Variants in USP39 observed in about 807,000 individuals in gnomAD.
USP39 encodes ubiquitin specific peptidase 39, also known as ubiquitin carboxyl-terminal hydrolase 39.
Under a neutral mutation model 66.4 loss-of-function variants are expected in USP39, and 38 were observed. That is an observed-to-expected ratio of 0.57 (90% CI 0.44 to 0.75). The LOEUF is 0.75. USP39 is among the 30% of genes least tolerant of loss of function. The pLI, the probability that USP39 is intolerant of heterozygous loss-of-function variation, is 0.00. For missense variants in USP39, 608 were observed against 714.4 expected (o/e 0.85, Z 1.70); for synonymous variants, 303 against 274.6 (o/e 1.10, Z -1.02).
At chr2:85,633,998 C>T (rs963147472) in intron 6 of USP39, among the ~76,000 whole-genome samples, 29 of 150,430 alleles carry the variant, frequency 1.9e-4, no homozygotes, top group Admixed American at 9.2e-4. Flanking sequence ...CCACTACGCC[C>T]GGCTAATTTT....
chr2:85,613,812 C>T (rs1673733871), upstream of USP39, among the ~76,000 whole-genome samples: 1 of 152,052 alleles, frequency 6.6e-6, no homozygotes, highest in South Asian at 2.1e-4. Flanking sequence ...CAGGATCTCA[C>T]TGTCGCATAG....
intron 6 of USP39, among the ~76,000 whole-genome samples, chr2:85,633,056 TGGC>T (rs1473708691): frequency 7.8e-6 from 1 of 128,402 alleles, no homozygotes; most frequent in Non-Finnish European, 1.7e-5. Flanking sequence ...AGGGACCAGA[TGGC>T]CTGCTTTATA....
At chr2:85,625,799 G>T in intron 5 of USP39, 108 bp downstream of exon 5, 2 of 1,400,332 alleles carry the variant, frequency 1.4e-6, no homozygotes, top group Non-Finnish European at 1.9e-6. Context: ...CAGGCGGATT[G>T]CCTGAGGTCA....
chr2:85,607,863 A>G (rs954265680), upstream of USP39: 1 of 152,176 alleles, frequency 6.6e-6, no homozygotes, highest in Non-Finnish European at 1.5e-5. Context: ...CCTGCATTAG[A>G]AAAAATGTTC....
At chr2:85,645,213 T>C (rs1676549626) in intron 11 of USP39, 130 bp downstream of exon 11, 4 of 1,287,620 alleles carry the variant, frequency 3.1e-6, no homozygotes, top group Non-Finnish European at 4.3e-6. Flanking sequence ...GTAATAGTGC[T>C]GTCAGTAGTT....
At chr2:85,615,628 G>T (rs1334609963), upstream of USP39, among the ~76,000 whole-genome samples, 1 of 152,070 alleles carries the variant, frequency 6.6e-6, no homozygotes, top group South Asian at 2.1e-4. Context: ...ATCTGGGGCC[G>T]AATGACAGCT....
At position 85,649,053 on chromosome 2, in the gene USP39, C is replaced by G. The variant is rs534810096; in HGVS notation, c.*245C>G. 65 of 530,652 alleles carry G rather than the reference C, an allele frequency of 1.2e-4. No homozygotes were observed. The highest frequency in any genetic ancestry group is 9.2e-4 in the African/African-American group (48 of 52,282). The allele number at this position is 530,652 out of a possible 1,614,324, so 32.9% of individuals were successfully genotyped here. A position where few individuals can be genotyped will look rare whatever the true frequency, so the allele number is the denominator to read the frequency against. On this transcript the variant is annotated 3_prime_UTR_variant, in exon 13 of 13. Transcript: ENST00000323701. ...TTTCTCCCATGCATTGAGCTCCCAT[C>G]TAGCTTCAGCAGGGCAGAACCCTTC...
chr2:85,614,977 ACAGTGTG>A (rs1476060614), upstream of USP39, among the ~76,000 whole-genome samples: 3 of 122,194 alleles, frequency 2.5e-5, no homozygotes, highest in East Asian at 7.3e-4. Flanking sequence ...TAAATTGCAC[ACAGTGTG>A]GTGTGGTGTG....
chr2:85,643,133 T>G (rs1676370592), intron 10 of USP39, among the ~76,000 whole-genome samples: 1 of 152,028 alleles, frequency 6.6e-6, no homozygotes, highest in South Asian at 2.1e-4. Flanking sequence ...ACAAAATGAT[T>G]AAACGTAGTA....
upstream of USP39, chr2:85,616,142 C>T (rs1248596653): frequency 1.1e-5 from 16 of 1,402,152 alleles, no homozygotes; most frequent in Non-Finnish European, 1.3e-5. Flanking sequence ...GGCCTTGTGC[C>T]GCGCGCTCGA....
chr2:85,642,982 A>G (rs1676356230), intron 10 of USP39, among the ~76,000 whole-genome samples: 1 of 151,834 alleles, frequency 6.6e-6, no homozygotes, highest in African/African-American at 2.4e-5. Context: ...CACATCTGTA[A>G]TGTCATCACT....
At chr2:85,614,807 ATC>A (rs1338715683), upstream of USP39, among the ~76,000 whole-genome samples, 10 of 152,250 alleles carry the variant, frequency 6.6e-5, no homozygotes, top group African/African-American at 1.2e-4. Context: ...AGTAAACATT[ATC>A]TCTCTGTTCC....
chr2:85,619,048 G>A lies in USP39; in HGVS notation c.269-172G>A, dbSNP rs371684446. Among the ~76,000 whole-genome samples the A allele has an allele frequency of 4.9e-4, 75 of 152,250 alleles. 2 individuals are homozygous for A. In the South Asian group the frequency reaches 0.011, roughly 22 times the overall value. On this transcript the variant is annotated intron_variant, in intron 1 of 12. Coordinates refer to ENST00000323701, the MANE Select transcript of USP39 (RefSeq NM_006590.4). ...GGTTTCCCAAAGTGCTGGGATTATA[G>A]GCATGAGCTACCGCGCCCGGCTAGT...
Position 85,645,383 on chromosome 2 carries a change from T to A in USP39, c.1563+300T>A, listed in dbSNP as rs189362969. On this transcript the variant is annotated intron_variant, in intron 11 of 12. Transcript: ENST00000323701. Reference sequence around the variant, plus strand: ...CCTCCGCCTCCTGGGTTCAAGCAGTTCTCTGCCTCAGCCTCCCGAATAGCT... The same window carrying A: ...CCTCCGCCTCCTGGGTTCAAGCAGTACTCTGCCTCAGCCTCCCGAATAGCT... 598 of 231,364 alleles carry A rather than the reference T, an allele frequency of 2.6e-3. 5 individuals carry two copies. The highest frequency in any genetic ancestry group is 0.013 in the African/African-American group (576 of 43,678). The allele number at this position is 231,364 out of a possible 1,614,324, so 14.3% of individuals were successfully genotyped here.
Position 85,645,641 on chromosome 2 carries a change from C to T in USP39, c.1563+558C>T, listed in dbSNP as rs184846462. Among the ~76,000 whole-genome samples, 21 of 152,276 alleles carry T rather than the reference C, an allele frequency of 1.4e-4. No individual in the cohort carries two copies. In the East Asian group the frequency reaches 3.1e-3, roughly 22 times the overall value. ...CCAGGCCGGTTATAATAGTAGTTTT[C>T]AGCTGGGGCAGAGGCCAGGGATGTT... On this transcript the variant is annotated intron_variant, in intron 11 of 12. Coordinates refer to ENST00000323701, the MANE Select transcript of USP39 (RefSeq NM_006590.4).
rs766436253 is a variant in USP39 at position 85,616,470 on chromosome 2, G to GGGGCC, written c.268+17_268+21dup. The stretch of plus-strand genomic sequence containing the variant: ...CCTGAGCGGGAGGTGCGAGGTGCGC[G>GGGGCC]GGGCCGGGCCGGGCTAGGCGCGAGA... On this transcript the variant is annotated splice_region_variant and intron_variant, in intron 1 of 12. Coordinates refer to ENST00000323701, the MANE Select transcript of USP39 (RefSeq NM_006590.4). 11 of 1,518,684 alleles carry GGGGCC rather than the reference G, an allele frequency of 7.2e-6. No homozygotes were observed. Among genetic ancestry groups the GGGGCC allele is most frequent in the Admixed American group, 2.0e-5 (1 of 49,152 alleles). 94.1% of individuals were successfully genotyped at this position (1,518,684 alleles called of 1,614,324 possible).
intron 10 of USP39, among the ~76,000 whole-genome samples, chr2:85,642,365 T>G (rs1022302262): frequency 6.6e-6 from 1 of 152,234 alleles, no homozygotes; most frequent in African/African-American, 2.4e-5. Flanking sequence ...TGTCAAAGTT[T>G]TATTTCAGCA....
At chr2:85,647,254 G>C (rs935547760) in intron 11 of USP39, among the ~76,000 whole-genome samples, 2 of 152,146 alleles carry the variant, frequency 1.3e-5, no homozygotes, top group African/African-American at 4.8e-5. Flanking sequence ...AGAATGTCTA[G>C]TCTGTCATTT....
At chr2:85,640,841 C>T in intron 9 of USP39, 135 bp from the exon 10 acceptor site, 1 of 443,864 alleles carries the variant, frequency 2.3e-6, no homozygotes, top group Non-Finnish European at 3.7e-6. Flanking sequence ...TACATAATTT[C>T]TCGGACCAGG....
Sources: gnomAD v4.1 joint callset for allele counts (sites outside exome capture counted in the v4.1 genomes callset) on GRCh38, gnomAD v4.1.1 for gene constraint, MANE v1.5 for transcripts, NCBI Gene and HGNC (gene_info 2026-07-23, HGNC 2026-07-21) for gene names.